Variants in TFDP2 observed in about 807,000 individuals in gnomAD.
TFDP2 encodes transcription factor Dp-2 (E2F dimerization partner 2).
In TFDP2, 17 loss-of-function variants were observed where a neutral mutation model predicts 59.3. The ratio of observed to expected loss-of-function variants is 0.29; its 90% CI spans 0.20 to 0.43. The LOEUF is 0.43. Ranked by LOEUF, TFDP2 falls within the 20% of genes least tolerant of loss-of-function variation. TFDP2 has a pLI of 1.00. For synonymous variants in TFDP2, 180 were observed against 194.7 expected (o/e 0.92, Z 0.63); for missense variants, 391 against 528.8 (o/e 0.74, Z 2.56).
intron 6 of TFDP2, among the ~76,000 whole-genome samples, chr3:141,987,649 C>T (rs143017791): frequency 2.7e-3 from 393 of 148,016 alleles, no homozygotes; most frequent in Non-Finnish European, 4.3e-3. Context: ...TCTTCTCGGC[C>T]GGGTGCGGTG....
intron 1 of TFDP2, among the ~76,000 whole-genome samples, chr3:142,112,006 T>C (rs969389035): frequency 4.6e-5 from 7 of 151,546 alleles, no homozygotes; most frequent in African/African-American, 1.5e-4. Context: ...GCAGAGGCTG[T>C]AGTGAGCTGA....
chr3:142,147,994 A>AC (rs565431362), intron 1 of TFDP2, among the ~76,000 whole-genome samples: 5 of 152,200 alleles, frequency 3.3e-5, no homozygotes, highest in Non-Finnish European at 7.3e-5. Context: ...TTAAAGAGAG[A>AC]CAGGGACATG....
chr3:142,038,734 T>G (rs1251635011), intron 3 of TFDP2, among the ~76,000 whole-genome samples: 1 of 151,720 alleles, frequency 6.6e-6, no homozygotes. Context: ...TGATACATAT[T>G]TTTTTTTACA....
At chr3:142,079,371 C>G (rs2060563203) in intron 3 of TFDP2, among the ~76,000 whole-genome samples, 1 of 152,024 alleles carries the variant, frequency 6.6e-6, no homozygotes, top group Non-Finnish European at 1.5e-5. Context: ...GAATGAAGCA[C>G]ACCTACAAGA....
At chr3:142,024,200 C>T (rs1470482339) in intron 3 of TFDP2, among the ~76,000 whole-genome samples, 1 of 152,152 alleles carries the variant, frequency 6.6e-6, no homozygotes, top group Non-Finnish European at 1.5e-5. Flanking sequence ...AGAGAAATTG[C>T]CAAGAGTTGC....
At chr3:142,112,063 C>T (rs988428469) in intron 1 of TFDP2, among the ~76,000 whole-genome samples, 5 of 146,982 alleles carry the variant, frequency 3.4e-5, no homozygotes, top group African/African-American at 1.0e-4. Flanking sequence ...AAGACTCTGT[C>T]TAAAAAAAAA....
intron 3 of TFDP2, among the ~76,000 whole-genome samples, chr3:142,036,102 T>C (rs1158622713): frequency 9.0e-4 from 137 of 152,182 alleles, no homozygotes; most frequent in Non-Finnish European, 1.3e-4. Flanking sequence ...TTGTGCCAAG[T>C]AAACTATTCT....
In TFDP2 at chr3:142,026,519, T is replaced by C. The variant is rs528561651; in HGVS notation, c.83-20975A>G. Among the ~76,000 whole-genome samples, 10 of 152,304 alleles carry C rather than the reference T, an allele frequency of 6.6e-5. 1 individual carries two copies. Among genetic ancestry groups the C allele is most frequent in the African/African-American group, 2.4e-4 (10 of 41,580 alleles). ...TTTAAACTATAGCTCAAAAACTTTA[T>C]TGGCTACTGTAAATTACTACGAATT... On this transcript the variant is annotated intron_variant, in intron 3 of 12. Coordinates refer to ENST00000489671, the MANE Select transcript of TFDP2 (RefSeq NM_001178139.2).
In TFDP2 at chr3:142,002,317, G is replaced by GTTTT. The variant is rs750047190; in HGVS notation, c.186+3120_186+3123dup. On this transcript the variant is annotated intron_variant, in intron 4 of 12. Coordinates refer to ENST00000489671, the MANE Select transcript of TFDP2 (RefSeq NM_001178139.2). Reference sequence around the variant, plus strand: ...GCCTAGCTAATTTTTTATTTTTAGTGTTTTTTTTTTTTTTTTTTTTTGATA... The same window carrying GTTTT: ...GCCTAGCTAATTTTTTATTTTTAGTGTTTTTTTTTTTTTTTTTTTTTTTTTGATA... Among the ~76,000 whole-genome samples the GTTTT allele has an allele frequency of 7.3e-3, 782 of 106,806 alleles. 20 individuals carry two copies. The highest frequency in any genetic ancestry group is 9.9e-3 in the Non-Finnish European group (545 of 54,944). 70.1% of individuals were successfully genotyped at this position (106,806 alleles called of 152,430 possible).
intron 1 of TFDP2, among the ~76,000 whole-genome samples, chr3:142,117,160 A>T (rs1423812779): frequency 6.6e-6 from 1 of 152,112 alleles, no homozygotes. Flanking sequence ...ACCTCAAGTG[A>T]TCTGCCCGCC....
intron 3 of TFDP2, among the ~76,000 whole-genome samples, chr3:142,063,003 G>A (rs1480842370): frequency 6.6e-6 from 1 of 152,178 alleles, no homozygotes; most frequent in African/African-American, 2.4e-5. Context: ...CTTCTAGGGT[G>A]CTGGTTATAT....
chr3:141,963,793 T>A lies in TFDP2; in HGVS notation c.884+19A>T, dbSNP rs1300788060. 1 of 1,607,468 alleles carries A rather than the reference T, an allele frequency of 6.2e-7. No homozygotes were observed. Among genetic ancestry groups the A allele is most frequent in the African/African-American group, 1.3e-5 (1 of 74,574 alleles). ...TAACAGAAGGCCAGCCCTGCACCCA[T>A]CCCTAGTTCTCCACTCACTTGTCAC... is the stretch of plus-strand genomic sequence containing the variant. On this transcript the variant is annotated intron_variant, in intron 10 of 12. Transcript: ENST00000489671.
At chr3:142,090,220 C>G (rs926074320) in intron 3 of TFDP2, among the ~76,000 whole-genome samples, 7 of 152,088 alleles carry the variant, frequency 4.6e-5, no homozygotes, top group Non-Finnish European at 8.8e-5. Context: ...CTCAGCTACT[C>G]CAGAGGTTTG....
chr3:141,973,444 A>G (rs1940148420), intron 8 of TFDP2, among the ~76,000 whole-genome samples: 1 of 152,190 alleles, frequency 6.6e-6, no homozygotes. Context: ...TGTCAAGTCA[A>G]TTTAGAAACA....
intron 1 of TFDP2, among the ~76,000 whole-genome samples, chr3:142,136,285 T>C (rs976065800): frequency 6.6e-6 from 1 of 152,106 alleles, no homozygotes; most frequent in Non-Finnish European, 1.5e-5. Flanking sequence ...GAGCTCTTTT[T>C]AGATTCTGGA....
intron 10 of TFDP2, 111 bp downstream of exon 10, chr3:141,963,701 G>T: frequency 7.7e-7 from 1 of 1,301,100 alleles, no homozygotes; most frequent in Non-Finnish European, 1.1e-6. Flanking sequence ...CCCCAAGGAA[G>T]CCAGCCTTTG....
intron 3 of TFDP2, among the ~76,000 whole-genome samples, chr3:142,049,996 T>C (rs1263730710): frequency 1.3e-5 from 2 of 152,002 alleles, no homozygotes; most frequent in Non-Finnish European, 2.9e-5. Flanking sequence ...AGGCTGGGTG[T>C]GGTGGCTCAC....
chr3:142,098,162 T>G (rs1010333380), intron 2 of TFDP2, among the ~76,000 whole-genome samples: 5 of 152,044 alleles, frequency 3.3e-5, no homozygotes, highest in African/African-American at 4.8e-5. Flanking sequence ...AGCAAAATTT[T>G]GCTGACAGTC....
chr3:142,124,179 C>A (rs138730348), intron 1 of TFDP2, among the ~76,000 whole-genome samples: 44 of 152,266 alleles, frequency 2.9e-4, no homozygotes, highest in Non-Finnish European at 5.0e-4. Flanking sequence ...CCAAATTAAT[C>A]TATGAATAGA....
Sources: allele counts gnomAD v4.1 joint callset (sites outside exome capture counted in the v4.1 genomes callset), GRCh38; gene constraint gnomAD v4.1.1; transcripts MANE v1.5; gene names NCBI Gene and HGNC (gene_info 2026-07-23, HGNC 2026-07-21).